MTUS2: variants seen among roughly 807,000 people sequenced by gnomAD.
MTUS2 encodes microtubule-associated tumor suppressor candidate 2.
MTUS2 carries 40 observed loss-of-function variants against 114.1 expected under a neutral mutation model. That is an observed-to-expected ratio of 0.35 (90% CI 0.27 to 0.46). MTUS2 has a LOEUF of 0.46. Ranked by LOEUF, MTUS2 falls within the 20% of genes least tolerant of loss-of-function variation. The probability of loss-of-function intolerance (pLI) is 1.00; values close to 1 mark genes in which losing one functional copy is unlikely to be tolerated. For synonymous variants in MTUS2, 688 were observed against 672.0 expected (o/e 1.02, Z -0.37); for missense variants, 1,679 against 1,705.4 (o/e 0.98, Z 0.27).
chr13:29,146,240 A>G (rs183102862), intron 5 of MTUS2, among the ~76,000 whole-genome samples: 60 of 152,314 alleles, frequency 3.9e-4, no homozygotes, highest in Non-Finnish European at 6.3e-4. Context: ...CAGGCACAAC[A>G]TAAGATACAA....
chr13:29,222,441 A>G (rs1307819388), intron 5 of MTUS2, among the ~76,000 whole-genome samples: 1 of 152,220 alleles, frequency 6.6e-6, no homozygotes, highest in Non-Finnish European at 1.5e-5. Context: ...TAGGATTTAT[A>G]TTAAAATTAT....
chr13:29,230,977 A>G (rs774888196), intron 5 of MTUS2, among the ~76,000 whole-genome samples: 17 of 152,152 alleles, frequency 1.1e-4, no homozygotes, highest in Non-Finnish European at 2.2e-4. Flanking sequence ...ACTTTAGAAA[A>G]TATCTTTAAT....
intron 5 of MTUS2, among the ~76,000 whole-genome samples, chr13:29,155,031 C>G (rs1302020819): frequency 2.6e-5 from 4 of 152,206 alleles, no homozygotes; most frequent in African/African-American, 7.2e-5. Flanking sequence ...AACCTGAGCT[C>G]ATAGGCGTCT....
At chr13:29,179,447 A>G (rs1893907681) in intron 5 of MTUS2, among the ~76,000 whole-genome samples, 1 of 152,324 alleles carries the variant, frequency 6.6e-6, no homozygotes, top group Non-Finnish European at 1.5e-5. Context: ...GGACAATGCC[A>G]TTGGAAATAC....
intron 5 of MTUS2, among the ~76,000 whole-genome samples, chr13:29,198,048 G>T (rs1043693028): frequency 2.0e-5 from 3 of 152,112 alleles, no homozygotes; most frequent in African/African-American, 7.2e-5. Flanking sequence ...TAGTTCTTTC[G>T]CTGTGCAGAA....
chr13:29,257,413 G>T (rs1199124441), intron 5 of MTUS2, among the ~76,000 whole-genome samples: 1 of 152,166 alleles, frequency 6.6e-6, no homozygotes, highest in African/African-American at 2.4e-5. Context: ...TTTGATGCCT[G>T]AGCTGGATTT....
chr13:28,963,896 C>G (rs1021822923), intron 2 of MTUS2, among the ~76,000 whole-genome samples: 5 of 152,180 alleles, frequency 3.3e-5, no homozygotes, highest in Non-Finnish European at 7.3e-5. Context: ...TCTCTTGCCA[C>G]TCCTCTGGCT....
intron 11 of MTUS2, 149 bp downstream of exon 11, chr13:29,488,154 A>G (rs1374672651): frequency 1.6e-6 from 1 of 637,734 alleles, no homozygotes; most frequent in African/African-American, 1.8e-5. Flanking sequence ...GCTCCTGGGA[A>G]AAGAAGAGAT....
chr13:29,194,926 T>C (rs1894615978), intron 5 of MTUS2, among the ~76,000 whole-genome samples: 3 of 149,412 alleles, frequency 2.0e-5, no homozygotes, highest in South Asian at 2.1e-4. Context: ...TAAAAAATGA[T>C]GAGTTCATGT....
chr13:28,949,574 T>C (rs1361880117), intron 2 of MTUS2, among the ~76,000 whole-genome samples: 1 of 152,204 alleles, frequency 6.6e-6, no homozygotes, highest in African/African-American at 2.4e-5. Context: ...ACTCTTTTTT[T>C]CACCTTGAAA....
chr13:28,857,752 C>T (rs1209280586), intron 2 of MTUS2, among the ~76,000 whole-genome samples: 2 of 152,174 alleles, frequency 1.3e-5, no homozygotes, highest in African/African-American at 4.8e-5. Context: ...GGAGAGATGC[C>T]TACTTATGTT....
intron 5 of MTUS2, among the ~76,000 whole-genome samples, chr13:29,225,244 T>G (rs1239590613): frequency 1.6e-4 from 24 of 152,246 alleles, no homozygotes; most frequent in Non-Finnish European, 4.4e-5. Flanking sequence ...CAACTCTTTC[T>G]TCATTTGCAA....
At chr13:29,344,546 T>A (rs1160158388) in intron 7 of MTUS2, among the ~76,000 whole-genome samples, 1 of 152,132 alleles carries the variant, frequency 6.6e-6, no homozygotes, top group African/African-American at 2.4e-5. Flanking sequence ...AGTCCTTATG[T>A]GTTGTTAGAT....
At position 28,923,651 on chromosome 13, in the gene MTUS2, C is replaced by T. The variant is rs551079256; in HGVS notation, c.-243+83801C>T. 3.6e-4 allele frequency among the ~76,000 whole-genome samples: 55 copies of T among 152,244 alleles called. 1 individual carries two copies. In the South Asian group the frequency reaches 8.3e-3, roughly 23 times the overall value. On this transcript the variant is annotated intron_variant, in intron 2 of 15. Transcript: ENST00000612955. The stretch of plus-strand genomic sequence containing the variant: ...AAGAGTCAGTGAGGCTTTCTGTGTC[C>T]AGCTGCTTGTTGTGTTGAGATCTCT...
chr13:29,450,761 T>C (rs144951222), intron 9 of MTUS2, among the ~76,000 whole-genome samples: 33 of 152,230 alleles, frequency 2.2e-4, no homozygotes, highest in Non-Finnish European at 4.3e-4. Context: ...TATACTATAC[T>C]AACATCAATC....
chr13:29,157,898 T>G (rs1892931055), intron 5 of MTUS2, among the ~76,000 whole-genome samples: 1 of 152,202 alleles, frequency 6.6e-6, no homozygotes, highest in Non-Finnish European at 1.5e-5. Context: ...CTGGGCATAG[T>G]GTCAGTCAAG....
At chr13:29,039,568 C>G (rs1887255357) in intron 4 of MTUS2, among the ~76,000 whole-genome samples, 1 of 152,204 alleles carries the variant, frequency 6.6e-6, no homozygotes, top group African/African-American at 2.4e-5. Flanking sequence ...TGGCTCTGGG[C>G]AGAGGGGGCC....
chr13:29,040,203 G>A (rs1174587872), intron 4 of MTUS2, among the ~76,000 whole-genome samples: 1 of 152,144 alleles, frequency 6.6e-6, no homozygotes. Context: ...CCACTTATGC[G>A]TGAGAACATA....
chr13:29,061,877 G>GTACA, intron 4 of MTUS2, among the ~76,000 whole-genome samples: 1 of 151,664 alleles, frequency 6.6e-6, no homozygotes. Context: ...TTCATCAAAG[G>GTACA]TTATTAGCAT....
Sources: gnomAD v4.1 joint callset for allele counts (sites outside exome capture counted in the v4.1 genomes callset) on GRCh38, gnomAD v4.1.1 for gene constraint, MANE v1.5 for transcripts, NCBI Gene and HGNC (gene_info 2026-07-23, HGNC 2026-07-21) for gene names.